ARL5B: variants seen among roughly 807,000 people sequenced by gnomAD.
The protein encoded by ARL5B is ADP-ribosylation factor-like protein 5B.
A neutral mutation model predicts 26.9 loss-of-function variants in ARL5B; 10 were observed. The observed-to-expected ratio is 0.37, with a 90% confidence interval of 0.23 to 0.63. ARL5B has a LOEUF of 0.63. ARL5B is among the 30% of genes least tolerant of loss of function. ARL5B has a pLI of 0.62. For synonymous variants in ARL5B, 87 were observed against 70.4 expected, an observed-to-expected ratio of 1.24 and a Z score of -1.18; for missense variants, 167 against 213.9, an observed-to-expected ratio of 0.78 and a Z score of 1.37.
chr10:18,661,220 C>G (rs573055526), intron 1 of ARL5B, among the ~76,000 whole-genome samples: 2 of 152,202 alleles, frequency 1.3e-5, no homozygotes, highest in Non-Finnish European at 2.9e-5. Context: ...TCTCTTTCCC[C>G]TGAGCTGGAG....
At chr10:18,664,079 A>G (rs1416330621) in intron 1 of ARL5B, among the ~76,000 whole-genome samples, 2 of 151,844 alleles carry the variant, frequency 1.3e-5, no homozygotes, top group African/African-American at 2.4e-5. Flanking sequence ...TCAGCCTCCC[A>G]AGTAACTAGG....
At position 18,676,332 on chromosome 10, in the gene ARL5B, C is replaced by T. The variant is rs900391663; in HGVS notation, c.*1116C>T. On this transcript the variant is annotated 3_prime_UTR_variant, in exon 6 of 6. Transcript: ENST00000377275. Reference sequence around the variant, plus strand: ...CATCTTTGTAGTTATGCCTTGGGTTCTAAAATGTTATAGGAAACTGCTGAA... The same window carrying T: ...CATCTTTGTAGTTATGCCTTGGGTTTTAAAATGTTATAGGAAACTGCTGAA... The T allele has an allele frequency of 2.6e-5, 4 of 152,236 alleles. No homozygotes were observed. The highest frequency in any genetic ancestry group is 2.6e-4 in the Admixed American group (4 of 15,224). 9.4% of individuals were successfully genotyped at this position (152,236 alleles called of 1,614,324 possible). A position where few individuals can be genotyped will look rare whatever the true frequency, so the allele number is the denominator to read the frequency against.
intron 1 of ARL5B, among the ~76,000 whole-genome samples, chr10:18,666,097 G>C (rs1223004979): frequency 1.3e-5 from 2 of 152,170 alleles, no homozygotes; most frequent in Non-Finnish European, 2.9e-5. Flanking sequence ...TCAATTTTAA[G>C]CTTACATGGG....
rs980134228 is a variant in ARL5B, at chr10:18,668,231, A to AT, written c.108-298dup. Among the ~76,000 whole-genome samples the AT allele has an allele frequency of 7.8e-4, 119 of 152,248 alleles. 2 individuals carry two copies. Among genetic ancestry groups the AT allele is most frequent in the African/African-American group, 2.7e-3 (111 of 41,546 alleles). ...GGTCTTATCTAACTGATAACAGGGC[A>AT]TGGTGGTATTGGAATTTTTGGCCAC... On this transcript the variant is annotated intron_variant, in intron 2 of 5. Coordinates refer to ENST00000377275, the MANE Select transcript of ARL5B (RefSeq NM_178815.5).
chr10:18,669,763 C>T (rs560691574), intron 3 of ARL5B, among the ~76,000 whole-genome samples: 14 of 151,586 alleles, frequency 9.2e-5, no homozygotes, highest in South Asian at 2.1e-4. Flanking sequence ...GAGGCCGAGG[C>T]GGGTGGATCA....
intron 3 of ARL5B, among the ~76,000 whole-genome samples, chr10:18,671,412 G>A (rs924953363): frequency 6.6e-6 from 1 of 151,932 alleles, no homozygotes; most frequent in Non-Finnish European, 1.5e-5. Flanking sequence ...CAAGTGATAT[G>A]CCCACCTCGG....
Position 18,668,551 on chromosome 10 carries a change from T to C in ARL5B, c.129T>C (p.His43=). The change falls in exon 3 of 6, where the codon CAT becomes CAC. Residue 43 remains histidine, a synonymous_variant. Transcript: ENST00000377275. ...ACAGCTTAATGAATGAAGTGGTTCA[T>C]ACTTCTCCAACCATAGGAAGCAATG... The part of the protein sequence containing the change: ...LYQFLMNEVV[H]TSPTIGSNVE... The C allele has an allele frequency of 6.2e-7, 1 of 1,614,128 alleles. No homozygotes were observed. The highest frequency in any genetic ancestry group is 2.2e-5 in the East Asian group (1 of 44,870).
In ARL5B at chr10:18,681,548, C is replaced by G. The variant is rs2059932206; in HGVS notation, c.*6332C>G. ...TTCATCTTTTAGACAGGTTTTGGCT[C>G]ATTTCCAATCATGGTGCAATATAGT... On this transcript the variant is annotated 3_prime_UTR_variant, in exon 6 of 6. Coordinates refer to ENST00000377275, the MANE Select transcript of ARL5B (RefSeq NM_178815.5). 6.6e-6 allele frequency: 1 copy of G among 152,172 alleles called. No homozygotes were observed. Among genetic ancestry groups the G allele is most frequent in the Admixed American group, 6.5e-5 (1 of 15,272 alleles). 9.4% of individuals were successfully genotyped at this position (152,172 alleles called of 1,614,324 possible). A position where few individuals can be genotyped will look rare whatever the true frequency, so the allele number is the denominator to read the frequency against.
chr10:18,664,573 G>A (rs1052102101), intron 1 of ARL5B, among the ~76,000 whole-genome samples: 12 of 151,250 alleles, frequency 7.9e-5, no homozygotes, highest in Admixed American at 2.6e-4. Flanking sequence ...AAGTAGCTGG[G>A]ACTACAGGCA....
At chr10:18,661,314 G>GTC (rs1324175395) in intron 1 of ARL5B, among the ~76,000 whole-genome samples, 1 of 152,134 alleles carries the variant, frequency 6.6e-6, no homozygotes, top group Non-Finnish European at 1.5e-5. Flanking sequence ...CATGGCTGCT[G>GTC]TCTTGTCTTT....
At chr10:18,668,760 T>A (rs1025401706) in intron 3 of ARL5B, 83 bp downstream of exon 3, 1 of 1,362,246 alleles carries the variant, frequency 7.3e-7, no homozygotes, top group Admixed American at 2.6e-5. Context: ...CTGGGCGTAT[T>A]GACAGTTGCC....
Position 18,681,558 on chromosome 10 carries a change from C to T in ARL5B, c.*6342C>T, listed in dbSNP as rs1184971327. ...AGACAGGTTTTGGCTCATTTCCAAT[C>T]ATGGTGCAATATAGTGTAACATTCA... On this transcript the variant is annotated 3_prime_UTR_variant, in exon 6 of 6. Coordinates refer to ENST00000377275, the MANE Select transcript of ARL5B (RefSeq NM_178815.5). 6.6e-6 allele frequency: 1 copy of T among 152,162 alleles called. No individual in the cohort carries two copies. The highest frequency in any genetic ancestry group is 1.5e-5 in the Non-Finnish European group (1 of 68,028). The allele number at this position is 152,162 out of a possible 1,614,324, so 9.4% of individuals were successfully genotyped here. A position where few individuals can be genotyped will look rare whatever the true frequency, so the allele number is the denominator to read the frequency against.
Position 18,681,152 on chromosome 10 carries a change from C to T in ARL5B, c.*5936C>T, listed in dbSNP as rs2059930386. 1.3e-5 allele frequency: 2 copies of T among 152,060 alleles called. No homozygotes were observed. Among genetic ancestry groups the T allele is most frequent in the African/African-American group, 2.4e-5 (1 of 41,392 alleles). 9.4% of individuals were successfully genotyped at this position (152,060 alleles called of 1,614,324 possible). A position where few individuals can be genotyped will look rare whatever the true frequency, so the allele number is the denominator to read the frequency against. On this transcript the variant is annotated 3_prime_UTR_variant, in exon 6 of 6. Coordinates refer to ENST00000377275, the MANE Select transcript of ARL5B (RefSeq NM_178815.5). ...GAATTGGATTGCTCTGTGGGTCCTC[C>T]GGTATTGTGCAGAGGAAAGAAAAAT...
At position 18,674,102 on chromosome 10, in the gene ARL5B, A is replaced by G; in HGVS notation, c.458A>G (p.His153Arg). 1 of 1,612,440 alleles carries G rather than the reference A, an allele frequency of 6.2e-7. No individual in the cohort carries two copies. The highest frequency in any genetic ancestry group is 8.5e-7 in the Non-Finnish European group (1 of 1,179,148). Residue 153 changes from histidine to arginine, a missense_variant, in exon 5 of 6, where the codon CAC (histidine) becomes CGC (arginine). His to Arg is a conservative substitution (Grantham distance 29). Coordinates refer to ENST00000377275, the MANE Select transcript of ARL5B (RefSeq NM_178815.5). ...TLSSIKDHPW[H>R]IQSCCALTGE... ...AGTTCAATTAAGGATCATCCATGGC[A>G]CATTCAATCCTGCTGTGCTCTCACA... is the stretch of plus-strand genomic sequence containing the variant.
intron 1 of ARL5B, among the ~76,000 whole-genome samples, chr10:18,663,162 C>T (rs954495882): frequency 6.6e-6 from 1 of 152,132 alleles, no homozygotes; most frequent in Non-Finnish European, 1.5e-5. Flanking sequence ...GCACCTGCCA[C>T]CATGCCTGGC....
intron 1 of ARL5B, 160 bp downstream of exon 1, chr10:18,659,843 C>G (rs752060762): frequency 2.0e-6 from 2 of 985,178 alleles, no homozygotes; most frequent in Non-Finnish European, 2.4e-6. Flanking sequence ...ACCTGGAGGA[C>G]GTACAGGAGA....
rs1008102110 is a variant in ARL5B at position 18,659,570 on chromosome 10, C to T, written c.-68C>T. ...CTCCTCGGCTCCGCGCAGCCCGCGC[C>T]GCGGTGGGGGACCCGGCGCAGCGGC... On this transcript the variant is annotated 5_prime_UTR_variant, in exon 1 of 6. Coordinates refer to ENST00000377275, the MANE Select transcript of ARL5B (RefSeq NM_178815.5). The T allele has an allele frequency of 7.9e-6, 12 of 1,517,662 alleles. No individual in the cohort carries two copies. The highest frequency in any genetic ancestry group is 4.7e-5 in the Admixed American group (2 of 42,684). 94.0% of individuals were successfully genotyped at this position (1,517,662 alleles called of 1,614,324 possible). A position where few individuals can be genotyped will look rare whatever the true frequency, so the allele number is the denominator to read the frequency against.
intron 3 of ARL5B, among the ~76,000 whole-genome samples, chr10:18,671,326 C>G (rs1436122080): frequency 6.6e-6 from 1 of 152,098 alleles, no homozygotes; most frequent in Non-Finnish European, 1.5e-5. Flanking sequence ...TACACACCAC[C>G]ACACCTGGCT....
At chr10:18,664,600 G>T (rs1423534758) in intron 1 of ARL5B, among the ~76,000 whole-genome samples, 2 of 151,554 alleles carry the variant, frequency 1.3e-5, no homozygotes, top group Non-Finnish European at 2.9e-5. Context: ...ACCATGCCCG[G>T]CTAATTTTTT....
Sources: allele counts gnomAD v4.1 joint callset (sites outside exome capture counted in the v4.1 genomes callset), GRCh38; gene constraint gnomAD v4.1.1; transcripts MANE v1.5; gene names NCBI Gene and HGNC (gene_info 2026-07-23, HGNC 2026-07-21).